CLASP1: variants seen among roughly 807,000 people sequenced by gnomAD.
CLASP1 encodes cytoplasmic linker associated protein 1.
Under a neutral mutation model 192.3 loss-of-function variants are expected in CLASP1, and 38 were observed. That is an observed-to-expected ratio of 0.20 (90% CI 0.15 to 0.26). The LOEUF is 0.26. Ranked by LOEUF, CLASP1 falls within the 10% of genes least tolerant of loss-of-function variation. CLASP1 has a pLI of 1.00. For missense variants in CLASP1, 1,433 were observed against 1,932.5 expected, an observed-to-expected ratio of 0.74 and a Z score of 4.85; for synonymous variants, 691 against 712.8, an observed-to-expected ratio of 0.97 and a Z score of 0.49.
chr2:121,477,884 C>T (rs1415882284), intron 8 of CLASP1, among the ~76,000 whole-genome samples: 1 of 152,182 alleles, frequency 6.6e-6, no homozygotes, highest in Non-Finnish European at 1.5e-5. Context: ...CCTGACAACG[C>T]TGAGAGAAGG....
In CLASP1 at chr2:121,448,918, C is replaced by T. The variant is rs533647024; in HGVS notation, c.1691+35G>A. Reference sequence around the variant, plus strand: ...TGTGACAAACTTTTAAATACAAATTCTCACATGAATGATAAGCAAAGATGA... The same window carrying T: ...TGTGACAAACTTTTAAATACAAATTTTCACATGAATGATAAGCAAAGATGA... On this transcript the variant is annotated intron_variant, in intron 17 of 39. Transcript: ENST00000263710. 1.7e-5 allele frequency: 27 copies of T among 1,586,302 alleles called. No homozygotes were observed. The South Asian group carries it at 2.6e-4, about 15-fold the overall frequency.
At chr2:121,429,232 AACAG>A (rs200976513) in intron 20 of CLASP1, among the ~76,000 whole-genome samples, 2,006 of 152,260 alleles carry the variant, frequency 0.013, 42 homozygotes, top group African/African-American at 0.045. Flanking sequence ...CACTCTCTAC[AACAG>A]ACAGACAGTT....
At chr2:121,464,796 T>C (rs1399700296) in intron 9 of CLASP1, among the ~76,000 whole-genome samples, 1 of 152,144 alleles carries the variant, frequency 6.6e-6, no homozygotes, top group Non-Finnish European at 1.5e-5. Flanking sequence ...ATTTTGTAGG[T>C]TGCCTGTTCA....
At chr2:121,345,335 T>C (rs372536626) in intron 39 of CLASP1, among the ~76,000 whole-genome samples, 11 of 152,066 alleles carry the variant, frequency 7.2e-5, no homozygotes, top group Non-Finnish European at 1.0e-4. Flanking sequence ...AGCGGGTCAA[T>C]TGCCAAATGG....
At chr2:121,489,725 C>T (rs1437446132) in intron 8 of CLASP1, among the ~76,000 whole-genome samples, 3 of 152,130 alleles carry the variant, frequency 2.0e-5, no homozygotes, top group African/African-American at 7.2e-5. Context: ...TTTTTGTGAG[C>T]AATACTTCTT....
In CLASP1 at chr2:121,610,854, G is replaced by A. The variant is rs1404625358; in HGVS notation, c.-285-4674C>T. 4.7e-3 allele frequency among the ~76,000 whole-genome samples: 672 copies of A among 142,112 alleles called. 4 individuals carry two copies. Among genetic ancestry groups the A allele is most frequent in the African/African-American group, 7.7e-3 (288 of 37,298 alleles). 93.2% of individuals were successfully genotyped at this position (142,112 alleles called of 152,430 possible). On this transcript the variant is annotated intron_variant, in intron 1 of 39. Transcript: ENST00000263710. ...AGGAGGAAGAGGAACTGGAGGAGGA[G>A]GAGGAGTTACAGGAGGAAGGAGAGC...
chr2:121,411,663 TAGAA>T (rs1245347066), intron 23 of CLASP1, among the ~76,000 whole-genome samples: 2 of 152,128 alleles, frequency 1.3e-5, no homozygotes, highest in African/African-American at 2.4e-5. Context: ...AAACAAATAA[TAGAA>T]AGAATCCAAA....
At chr2:121,535,004 A>T (rs1389172859) in intron 2 of CLASP1, among the ~76,000 whole-genome samples, 1 of 152,200 alleles carries the variant, frequency 6.6e-6, no homozygotes, top group Non-Finnish European at 1.5e-5. Context: ...GTGGTGTCTC[A>T]CGCCTGTAAT....
intron 33 of CLASP1, among the ~76,000 whole-genome samples, chr2:121,380,596 T>C (rs1304785870): frequency 1.3e-5 from 2 of 152,136 alleles, no homozygotes; most frequent in African/African-American, 2.4e-5. Flanking sequence ...AGAGAGAAAC[T>C]GGAGAGAGAA....
exon 3 of CLASP1, chr2:121,530,319 G>C: frequency 6.5e-7 from 1 of 1,550,230 alleles, no homozygotes; most frequent in Non-Finnish European, 8.7e-7. Flanking sequence ...ATGCCCAGCA[G>C]AACCACCTGC....
intron 1 of CLASP1, among the ~76,000 whole-genome samples, chr2:121,630,624 G>A (rs1208332195): frequency 6.6e-6 from 1 of 151,694 alleles, no homozygotes; most frequent in East Asian, 1.9e-4. Context: ...AGCACTTTGG[G>A]AGGCCAAGGT....
intron 6 of CLASP1, among the ~76,000 whole-genome samples, chr2:121,520,770 C>T (rs1214378460): frequency 6.6e-6 from 1 of 152,142 alleles, no homozygotes; most frequent in Non-Finnish European, 1.5e-5. Context: ...TAGGATGCCT[C>T]GGACCACTGG....
At chr2:121,630,381 A>AC (rs2069285002) in intron 1 of CLASP1, among the ~76,000 whole-genome samples, 4 of 139,066 alleles carry the variant, frequency 2.9e-5, no homozygotes, top group Non-Finnish European at 4.7e-5. Flanking sequence ...ATTGGAAAGA[A>AC]ACACACACAC....
intron 19 of CLASP1, among the ~76,000 whole-genome samples, chr2:121,437,878 G>A (rs556849092): frequency 6.6e-6 from 1 of 152,300 alleles, no homozygotes; most frequent in Non-Finnish European, 1.5e-5. Context: ...TAGGTTTGAA[G>A]CTGTGTGGAT....
Position 121,374,541 on chromosome 2 carries a change from T to C in CLASP1, c.3642+2958A>G, listed in dbSNP as rs907426102. Among the ~76,000 whole-genome samples the C allele has an allele frequency of 4.6e-5, 7 of 152,210 alleles. No individual in the cohort carries two copies. In the East Asian group the frequency reaches 5.8e-4, roughly 13 times the overall value. On this transcript the variant is annotated intron_variant, in intron 34 of 39. Coordinates refer to ENST00000263710, the Ensembl canonical transcript of CLASP1. ...GTAGATCCACCAACAGCTTGCACTGTGTGCCTGGAAAAGCCGCAGGCACGC... is the reference window on the plus strand; with the variant it reads ...GTAGATCCACCAACAGCTTGCACTGCGTGCCTGGAAAAGCCGCAGGCACGC...
intron 23 of CLASP1, among the ~76,000 whole-genome samples, chr2:121,416,190 CAT>C (rs1304730733): frequency 6.6e-6 from 1 of 152,094 alleles, no homozygotes; most frequent in African/African-American, 2.4e-5. Flanking sequence ...TCTGTCATGC[CAT>C]GAGTCCTCTG....
chr2:121,611,482 T>C (rs1189654409), intron 1 of CLASP1, among the ~76,000 whole-genome samples: 4 of 75,314 alleles, frequency 5.3e-5, no homozygotes, highest in Non-Finnish European at 1.1e-4. Context: ...GGAGGAGGCG[T>C]TGGAGGAGTT....
At chr2:121,567,876 C>T (rs2059641649) in intron 2 of CLASP1, among the ~76,000 whole-genome samples, 1 of 152,170 alleles carries the variant, frequency 6.6e-6, no homozygotes, top group Non-Finnish European at 1.5e-5. Flanking sequence ...AGTGATTTAT[C>T]TTGGCTAAGA....
intron 6 of CLASP1, among the ~76,000 whole-genome samples, chr2:121,524,009 T>C (rs1444163325): frequency 1.3e-5 from 2 of 152,220 alleles, no homozygotes; most frequent in Non-Finnish European, 2.9e-5. Context: ...ACAACGTCCC[T>C]TGTTGTAGTT....
Sources: gnomAD v4.1 joint callset for allele counts (sites outside exome capture counted in the v4.1 genomes callset) on GRCh38, gnomAD v4.1.1 for gene constraint, MANE v1.5 for transcripts, NCBI Gene and HGNC (gene_info 2026-07-23, HGNC 2026-07-21) for gene names.